SUPT3H: variants seen among roughly 807,000 people sequenced by gnomAD.
SUPT3H encodes the protein SPT3 homolog, SAGA and STAGA complex component.
Under a neutral mutation model 44.3 loss-of-function variants are expected in SUPT3H, and 44 were observed. The ratio of observed to expected loss-of-function variants is 0.99; its 90% confidence interval spans 0.78 to 1.28. The LOEUF is 1.28. Among genes scored for constraint, SUPT3H ranks in the 50% most tolerant of loss-of-function variants. The pLI is 0.00. For missense variants in SUPT3H, 380 were observed against 387.1 expected, an observed-to-expected ratio of 0.98 and a Z score of 0.15; for synonymous variants, 124 against 125.6, an observed-to-expected ratio of 0.99 and a Z score of 0.09.
intron 2 of SUPT3H, among the ~76,000 whole-genome samples, chr6:45,308,907 A>C (rs1462269500): frequency 6.6e-6 from 1 of 152,062 alleles, no homozygotes; most frequent in Non-Finnish European, 1.5e-5. Flanking sequence ...TTGAATAAGA[A>C]GAAAAATAAA....
At chr6:44,832,923 C>T (rs1014139297) in intron 10 of SUPT3H, among the ~76,000 whole-genome samples, 12 of 151,992 alleles carry the variant, frequency 7.9e-5, no homozygotes, top group Non-Finnish European at 1.8e-4. Context: ...TGGTTTACTT[C>T]TGTTTTTTAT....
In SUPT3H at chr6:45,243,792, C is replaced by A. The variant is rs557533975; in HGVS notation, c.101+121409G>T. Among the ~76,000 whole-genome samples, 3 of 152,194 alleles carry A rather than the reference C, an allele frequency of 2.0e-5. No individual in the cohort carries two copies. In the East Asian group the frequency reaches 5.8e-4, roughly 29 times the overall value. On this transcript the variant is annotated intron_variant, in intron 2 of 10. Transcript: ENST00000371459. Reference sequence around the variant, plus strand: ...TCATTCTGAATTACAAAGAGCAGTTCTCCTTCTTTGCACTAATACTGTTGC... The same window carrying A: ...TCATTCTGAATTACAAAGAGCAGTTATCCTTCTTTGCACTAATACTGTTGC...
At chr6:44,977,860 T>C (rs1257500251) in intron 6 of SUPT3H, among the ~76,000 whole-genome samples, 3 of 152,180 alleles carry the variant, frequency 2.0e-5, no homozygotes, top group Admixed American at 6.5e-5. Flanking sequence ...AAATGCTCTG[T>C]AGTGGCCCTG....
chr6:45,282,199 A>C (rs1457070250), intron 2 of SUPT3H, among the ~76,000 whole-genome samples: 1 of 152,238 alleles, frequency 6.6e-6, no homozygotes, highest in African/African-American at 2.4e-5. Context: ...CTCTAAAGGA[A>C]CGCAGCTCCT....
At chr6:45,284,153 AATTG>A (rs1416684323) in intron 2 of SUPT3H, among the ~76,000 whole-genome samples, 5 of 152,206 alleles carry the variant, frequency 3.3e-5, no homozygotes, top group African/African-American at 1.2e-4. Flanking sequence ...AAAGATCTAA[AATTG>A]ACACCCTAAC....
intron 2 of SUPT3H, among the ~76,000 whole-genome samples, chr6:45,281,844 G>GGA (rs1343947821): frequency 2.3e-4 from 35 of 152,256 alleles, no homozygotes; most frequent in Admixed American, 5.9e-4. Flanking sequence ...CCCCCAGTAG[G>GGA]GGCAGACTGA....
chr6:45,251,576 G>C (rs750218091), intron 2 of SUPT3H, among the ~76,000 whole-genome samples: 5 of 151,904 alleles, frequency 3.3e-5, no homozygotes, highest in Non-Finnish European at 7.4e-5. Context: ...CTAATAAAGA[G>C]TAAAGTAAAA....
chr6:45,317,053 C>A (rs1021861626), intron 2 of SUPT3H, among the ~76,000 whole-genome samples: 3 of 151,386 alleles, frequency 2.0e-5, no homozygotes, highest in African/African-American at 7.3e-5. Context: ...ATGGCGAGAC[C>A]CCATCTCTAC....
At chr6:45,079,962 A>C (rs539887663) in intron 3 of SUPT3H, among the ~76,000 whole-genome samples, 8 of 152,336 alleles carry the variant, frequency 5.3e-5, no homozygotes, top group Admixed American at 5.2e-4. Context: ...ATTACATCAA[A>C]TTGCAAAGCT....
At position 44,835,559 on chromosome 6, in the gene SUPT3H, G is replaced by A. The variant is rs1026958141; in HGVS notation, c.913-5702C>T. On this transcript the variant is annotated intron_variant, in intron 10 of 10. Transcript: ENST00000371459. ...GTTCTATGCTGGCTTTGCTTTGCTG[G>A]GAGAAAAAGGTAGGGAGGTAGTAGA... Among the ~76,000 whole-genome samples, 7 of 151,678 alleles carry A rather than the reference G, an allele frequency of 4.6e-5. No individual in the cohort carries two copies. In the South Asian group the frequency reaches 6.3e-4, roughly 14 times the overall value.
At chr6:45,277,905 C>A (rs1777287815) in intron 2 of SUPT3H, among the ~76,000 whole-genome samples, 1 of 152,098 alleles carries the variant, frequency 6.6e-6, no homozygotes, top group Non-Finnish European at 1.5e-5. Flanking sequence ...ATGATTTCCT[C>A]AAAGCACTAC....
At chr6:44,914,065 G>A (rs552638596) in intron 10 of SUPT3H, among the ~76,000 whole-genome samples, 7 of 152,266 alleles carry the variant, frequency 4.6e-5, no homozygotes, top group African/African-American at 1.4e-4. Context: ...GAACCTAATA[G>A]TTAGGCATTG....
At chr6:45,022,752 C>CA (rs1785349819) in intron 3 of SUPT3H, among the ~76,000 whole-genome samples, 1 of 151,964 alleles carries the variant, frequency 6.6e-6, no homozygotes. Flanking sequence ...CAAGTGAAGA[C>CA]AGAAATCTTA....
chr6:44,996,862 T>C (rs946314528), intron 6 of SUPT3H, among the ~76,000 whole-genome samples: 24 of 151,856 alleles, frequency 1.6e-4, no homozygotes, highest in African/African-American at 4.8e-4. Context: ...AGAGTTATCA[T>C]TATGTTTTCT....
chr6:44,951,078 T>C, intron 9 of SUPT3H, among the ~76,000 whole-genome samples: 1 of 151,956 alleles, frequency 6.6e-6, no homozygotes, highest in South Asian at 2.1e-4. Flanking sequence ...CCTTAATCCT[T>C]GAATATTTTA....
intron 2 of SUPT3H, among the ~76,000 whole-genome samples, chr6:45,173,362 A>C (rs1811144185): frequency 6.6e-6 from 1 of 152,254 alleles, no homozygotes. Context: ...TATTAATAAA[A>C]GCAGTTAACA....
intron 6 of SUPT3H, among the ~76,000 whole-genome samples, chr6:44,969,824 G>A (rs1420398011): frequency 6.6e-6 from 1 of 152,134 alleles, no homozygotes; most frequent in African/African-American, 2.4e-5. Context: ...TGTTTCCCCA[G>A]AGTGGCATTC....
chr6:45,292,243 G>T (rs1009042511), intron 2 of SUPT3H, among the ~76,000 whole-genome samples: 50 of 152,040 alleles, frequency 3.3e-4, no homozygotes, highest in African/African-American at 1.2e-3. Context: ...AATGCCGAGA[G>T]AATTCGCCAC....
At chr6:44,980,565 T>C (rs990377862) in intron 6 of SUPT3H, among the ~76,000 whole-genome samples, 2 of 152,168 alleles carry the variant, frequency 1.3e-5, no homozygotes, top group Non-Finnish European at 2.9e-5. Context: ...GGTCTAGATG[T>C]TAAAATACCC....
Sources: allele counts gnomAD v4.1 joint callset (sites outside exome capture counted in the v4.1 genomes callset), GRCh38; gene constraint gnomAD v4.1.1; transcripts MANE v1.5; gene names NCBI Gene and HGNC (gene_info 2026-07-23, HGNC 2026-07-21).